TRIP13: variants seen among roughly 807,000 people sequenced by gnomAD.
TRIP13 encodes the protein pachytene checkpoint protein 2 homolog.
TRIP13 carries 25 observed loss-of-function variants against 54.4 expected under a neutral mutation model. The ratio of observed to expected loss-of-function variants is 0.46; its 90% confidence interval spans 0.33 to 0.64. The LOEUF (loss-of-function observed/expected upper bound fraction) is 0.64, where lower values mean the gene tolerates loss of function less well. Among genes scored for constraint, TRIP13 ranks in the 30% least tolerant of loss-of-function variants. The pLI is 0.02. For synonymous variants in TRIP13, 207 were observed against 207.8 expected, an observed-to-expected ratio of 1.00 and a Z score of 0.03; for missense variants, 373 against 534.2, an observed-to-expected ratio of 0.70 and a Z score of 2.97.
chr5:896,747 A>T lies in TRIP13; in HGVS notation c.341A>T (p.Glu114Val). ...GGCCCCAGCAGTGAAAATCTGGAGG[A>T]AGAGACAGAAAACATAATTGCAGCA... ...EDGPSSENLE[E>V]ETENIIAANH... Residue 114 changes from glutamate to valine, a missense_variant, in exon 3 of 13, where the codon GAA becomes GTA. This residue lies in a region of TRIP13 where 151 missense variants were observed against 151.9 expected (regional missense o/e 0.99). Transcript: ENST00000166345. The T allele has an allele frequency of 6.2e-7, 1 of 1,613,926 alleles. No homozygotes were observed.
chr5:900,412 CTTAGGCTCAGGG>C (rs1206299001), intron 3 of TRIP13, 70 bp from the exon 4 acceptor site: 80 of 1,417,602 alleles, frequency 5.6e-5, no homozygotes, highest in Non-Finnish European at 7.8e-5. Flanking sequence ...GAAGCTCAGG[CTTAGGCTCAGGG>C]GAGACTGACT....
rs371942653 is a variant in TRIP13, at chr5:911,807, G to A, written c.867-36G>A. 2.4e-4 allele frequency: 378 copies of A among 1,589,132 alleles called. 1 individual carries two copies. Among genetic ancestry groups the A allele is most frequent in the East Asian group, 6.5e-4 (29 of 44,530 alleles). On this transcript the variant is annotated intron_variant, in intron 9 of 12. Coordinates refer to ENST00000166345, the MANE Select transcript of TRIP13 (RefSeq NM_004237.4). The surrounding 1 kb of genome is among the most constrained non-coding windows in gnomAD (Gnocchi z 4.7). ...GGATAGAATTGGGTCACCGACAGCCGTGATGACTGTGGTGCTTGCTTCTCG... is the reference window on the plus strand; with the variant it reads ...GGATAGAATTGGGTCACCGACAGCCATGATGACTGTGGTGCTTGCTTCTCG...
Position 915,835 on chromosome 5 carries a change from G to A in TRIP13, c.1134-69G>A. The A allele has an allele frequency of 1.3e-6, 2 of 1,565,522 alleles. No homozygotes were observed. The highest frequency in any genetic ancestry group is 1.8e-6 in the Non-Finnish European group (2 of 1,136,190). ...TGTTCCCAGGGATGCCTCGGCCAATGAGGAAAATTAGTCCTGAAACGTGTG... is the reference window on the plus strand; with the variant it reads ...TGTTCCCAGGGATGCCTCGGCCAATAAGGAAAATTAGTCCTGAAACGTGTG... On this transcript the variant is annotated intron_variant, in intron 11 of 12. Coordinates refer to ENST00000166345, the MANE Select transcript of TRIP13 (RefSeq NM_004237.4). The surrounding 1 kb of genome is among the most constrained non-coding windows in gnomAD (Gnocchi z 4.2).
At chr5:918,972 T>C (rs2150694401), downstream of TRIP13, 1 of 152,332 alleles carries the variant, frequency 6.6e-6, no homozygotes, top group South Asian at 2.1e-4. The surrounding 1 kb of genome is among the most constrained non-coding windows in gnomAD (Gnocchi z 4.3). Context: ...ATCAATACTT[T>C]GTATCCTTCA....
chr5:900,985 CTGT>C (rs1753974530), intron 4 of TRIP13, among the ~76,000 whole-genome samples: 2 of 152,174 alleles, frequency 1.3e-5, no homozygotes, highest in Non-Finnish European at 2.9e-5. Flanking sequence ...TGCATTGTGG[CTGT>C]TGTTATTTTG....
At chr5:910,194 G>T (rs1037265627) in intron 9 of TRIP13, among the ~76,000 whole-genome samples, 1 of 152,214 alleles carries the variant, frequency 6.6e-6, no homozygotes, top group East Asian at 1.9e-4. Flanking sequence ...ATTCACATGA[G>T]TGTTCCCTTT....
At chr5:909,652 G>A (rs926334508) in intron 9 of TRIP13, among the ~76,000 whole-genome samples, 14 of 152,224 alleles carry the variant, frequency 9.2e-5, no homozygotes, top group Admixed American at 7.9e-4. Flanking sequence ...ACAGCCTTCA[G>A]AGCTGAGAGC....
intron 3 of TRIP13, 29 bp from the exon 4 acceptor site, chr5:900,465 A>T (rs1560944855): frequency 1.2e-6 from 2 of 1,612,912 alleles, no homozygotes; most frequent in Non-Finnish European, 1.7e-6. Context: ...GCCTTCCTGA[A>T]ATCAGGTCTT....
At chr5:914,886 A>G (rs987440090) in intron 11 of TRIP13, among the ~76,000 whole-genome samples, 1 of 152,116 alleles carries the variant, frequency 6.6e-6, no homozygotes, top group Non-Finnish European at 1.5e-5. Context: ...CAGAAAGGAA[A>G]TGGCTTTGGG....
Position 913,991 on chromosome 5 carries a change from A to C in TRIP13, c.1021-474A>C, listed in dbSNP as rs949265232. On this transcript the variant is annotated intron_variant, in intron 10 of 12. Coordinates refer to ENST00000166345, the MANE Select transcript of TRIP13 (RefSeq NM_004237.4). The surrounding 1 kb of genome is among the most constrained non-coding windows in gnomAD (Gnocchi z 4.5). ...CTGGTGCTCAGCTCCTCGGTCAGTC[A>C]GACACTGTCATGCTGCCAAACAAGC... Among the ~76,000 whole-genome samples, 10 of 148,160 alleles carry C rather than the reference A, an allele frequency of 6.7e-5. No homozygotes were observed. The highest frequency in any genetic ancestry group is 1.2e-4 in the Non-Finnish European group (8 of 67,852).
In TRIP13 at chr5:913,896, C is replaced by T. The variant is rs554214164; in HGVS notation, c.1021-569C>T. Among the ~76,000 whole-genome samples, 280 of 152,264 alleles carry T rather than the reference C, an allele frequency of 1.8e-3. 2 individuals are homozygous for T. The highest frequency in any genetic ancestry group is 0.012 in the Admixed American group (177 of 15,304). ...AATTCAGTCATAGTAAGTCAGTGTG[C>T]GCACCTGACTGTTGGCAAGGCTGCT... On this transcript the variant is annotated intron_variant, in intron 10 of 12. Transcript: ENST00000166345. The surrounding 1 kb of genome is among the most constrained non-coding windows in gnomAD (Gnocchi z 4.5).
chr5:916,740 G>C (rs1414780653), intron 12 of TRIP13, among the ~76,000 whole-genome samples: 1 of 152,128 alleles, frequency 6.6e-6, no homozygotes, highest in Non-Finnish European at 1.5e-5. Context: ...CTGCCTTGGT[G>C]CTCCCCTGCC....
rs1049613151 is a variant in TRIP13, at chr5:907,620, G to A, written c.673-368G>A. On this transcript the variant is annotated intron_variant, in intron 7 of 12. Coordinates refer to ENST00000166345, the MANE Select transcript of TRIP13 (RefSeq NM_004237.4). The surrounding 1 kb of genome is among the most constrained non-coding windows in gnomAD (Gnocchi z 4.1). ...GGTGAGGTGAGGTGGGACCAGGCAC[G>A]CTGGGCACAGGAGAGCCTGTGAGGA... Among the ~76,000 whole-genome samples the A allele has an allele frequency of 9.2e-5, 14 of 152,240 alleles. No individual in the cohort carries two copies. The highest frequency in any genetic ancestry group is 3.1e-4 in the African/African-American group (13 of 41,458).
intron 11 of TRIP13, 117 bp downstream of exon 11, chr5:914,694 T>A: frequency 1.3e-6 from 1 of 773,678 alleles, no homozygotes; most frequent in Non-Finnish European, 2.2e-6. Flanking sequence ...CTCAACACAG[T>A]ATAGGTATGA....
At chr5:914,935 C>T (rs931456963) in intron 11 of TRIP13, among the ~76,000 whole-genome samples, 6 of 152,084 alleles carry the variant, frequency 3.9e-5, no homozygotes, top group Non-Finnish European at 8.8e-5. Context: ...GAAAATCAAA[C>T]GGTGCCTTGA....
In TRIP13 at chr5:904,184, C is replaced by T; in HGVS notation, c.572C>T (p.Ala191Val). Reference protein sequence around the residue: ...PGTGKTSLCKALAQKLTIRLS... With the variant: ...PGTGKTSLCKVLAQKLTIRLS... ...ACTGGAAAAACATCCCTGTGTAAAG[C>T]GTTAGCCCAGAAATTGACAATTAGA... is the stretch of plus-strand genomic sequence containing the variant. Residue 191 changes from alanine (A) to valine (V), a missense_variant, in exon 6 of 13, where the codon GCG becomes GTG. Coordinates refer to ENST00000166345, the MANE Select transcript of TRIP13 (RefSeq NM_004237.4). The T allele has an allele frequency of 6.2e-7, 1 of 1,609,638 alleles. No homozygotes were observed. The highest frequency in any genetic ancestry group is 1.1e-5 in the South Asian group (1 of 89,786).
chr5:914,659 C>A, intron 11 of TRIP13, 82 bp downstream of exon 11: 1 of 1,120,742 alleles, frequency 8.9e-7, no homozygotes, highest in Admixed American at 1.7e-5. Flanking sequence ...TTTGAGGAGA[C>A]CAGGGAGGGC....
At chr5:904,293 T>C (rs980991406) in intron 6 of TRIP13, 73 bp downstream of exon 6, 1 of 1,301,284 alleles carries the variant, frequency 7.7e-7, no homozygotes, top group Non-Finnish European at 1.1e-6. Context: ...TTTTTTTTTT[T>C]CTAAATCATT....
At position 917,314 on chromosome 5, in the gene TRIP13, T is replaced by C. The variant is rs1238930348; in HGVS notation, c.*211T>C. The C allele has an allele frequency of 3.1e-5, 15 of 489,732 alleles. No homozygotes were observed. In the East Asian group the frequency reaches 5.2e-4, roughly 17 times the overall value. 30.3% of individuals were successfully genotyped at this position (489,732 alleles called of 1,614,324 possible). The stretch of plus-strand genomic sequence containing the variant: ...TGCATACTGAGAGACAAACATCTTG[T>C]CATTTTCACTGTTTGTAAAAGATAA... On this transcript the variant is annotated 3_prime_UTR_variant, in exon 13 of 13. Transcript: ENST00000166345.
Sources: gnomAD v4.1 joint callset for allele counts (sites outside exome capture counted in the v4.1 genomes callset) on GRCh38, gnomAD v4.1.1 for gene constraint, gnomAD v4.1.1 regional missense constraint, Gnocchi (gnomAD v3.1) non-coding constraint, MANE v1.5 for transcripts, NCBI Gene and HGNC (gene_info 2026-07-23, HGNC 2026-07-21) for gene names.